The following LCP2 variants were observed in gnomAD, a reference collection of about 807,000 sequenced individuals.
LCP2 encodes lymphocyte cytosolic protein 2, also known as 76 kDa tyrosine phosphoprotein.
A neutral mutation model predicts 74.5 loss-of-function variants in LCP2; 29 were observed. The ratio of observed to expected loss-of-function variants is 0.39; its 90% CI spans 0.29 to 0.53. LCP2 has a LOEUF of 0.53. Ranked by LOEUF, LCP2 falls within the 20% of genes least tolerant of loss-of-function variation. The probability of loss-of-function intolerance (pLI) is 0.72; values close to 1 mark genes in which losing one functional copy is unlikely to be tolerated. For synonymous variants in LCP2, 228 were observed against 229.5 expected, an observed-to-expected ratio of 0.99 and a Z score of 0.06; for missense variants, 604 against 634.6, an observed-to-expected ratio of 0.95 and a Z score of 0.52.
At chr5:170,277,743 CAAAAAAAAAAA>C (rs371915364) in intron 3 of LCP2, among the ~76,000 whole-genome samples, 2 of 117,704 alleles carry the variant, frequency 1.7e-5, no homozygotes, top group Admixed American at 1.8e-4. Context: ...AACTTCGTCT[CAAAAAAAAAAA>C]AAAAAAAAAG....
chr5:170,281,204 G>A (rs961463714), intron 3 of LCP2, among the ~76,000 whole-genome samples: 6 of 152,130 alleles, frequency 3.9e-5, no homozygotes, highest in African/African-American at 7.2e-5. Flanking sequence ...GTCCCTGGAC[G>A]GCAATTAGCC....
rs1435797165 is a variant in LCP2, at chr5:170,248,628, AC to A, written c.*68del. On this transcript the variant is annotated 3_prime_UTR_variant, in exon 21 of 21. Transcript: ENST00000046794. The stretch of plus-strand genomic sequence containing the variant: ...TTCAGTCCTAAGTGTTTGTCCATTG[AC>A]CAAGGCTGATTGATCTCGTGTTGGC... The A allele has an allele frequency of 1.5e-5, 24 of 1,583,894 alleles. No homozygotes were observed. The highest frequency in any genetic ancestry group is 2.0e-5 in the Non-Finnish European group (23 of 1,157,668).
At chr5:170,251,833 G>T in intron 19 of LCP2, 12 of 328,646 alleles carry the variant, frequency 3.7e-5, no homozygotes, top group South Asian at 2.8e-4. Context: ...AGTTCTCCGG[G>T]TGATCTAAAT....
At chr5:170,270,992 C>G (rs1761889071) in intron 6 of LCP2, 75 bp from the exon 7 acceptor site, 1 of 1,286,980 alleles carries the variant, frequency 7.8e-7, no homozygotes, top group Non-Finnish European at 1.1e-6. Context: ...CCTACTCTCT[C>G]CCTGCCAAGC....
At chr5:170,259,068 A>G (rs969005550) in intron 14 of LCP2, among the ~76,000 whole-genome samples, 190 bp from the exon 15 acceptor site, 1 of 152,218 alleles carries the variant, frequency 6.6e-6, no homozygotes. Flanking sequence ...TTCTTAATAC[A>G]AACAGTCATC....
At chr5:170,275,939 G>A (rs1282096396) in intron 3 of LCP2, 79 bp from the exon 4 acceptor site, 3 of 1,305,168 alleles carry the variant, frequency 2.3e-6, no homozygotes, top group Non-Finnish European at 3.2e-6. Context: ...ATATCCCCTG[G>A]TCTATAGAAA....
At chr5:170,289,631 T>TCTCTCTC (rs1762245480) in intron 2 of LCP2, among the ~76,000 whole-genome samples, 2 of 101,046 alleles carry the variant, frequency 2.0e-5, no homozygotes, top group African/African-American at 9.2e-5. Flanking sequence ...CTTTCTTTCT[T>TCTCTCTC]TCTTTCTTTC....
intron 19 of LCP2, 122 bp from the exon 20 acceptor site, chr5:170,251,007 TG>T (rs1409946851): frequency 1.4e-6 from 1 of 692,754 alleles, no homozygotes; most frequent in Non-Finnish European, 2.4e-6. Flanking sequence ...TGCAGCTTCT[TG>T]AGTGCAAAAC....
At position 170,253,145 on chromosome 5, in the gene LCP2, G is replaced by T; in HGVS notation, c.1219C>A (p.Arg407=). 1 of 1,611,594 alleles carries T rather than the reference G, an allele frequency of 6.2e-7. No individual in the cohort carries two copies. The highest frequency in any genetic ancestry group is 1.1e-5 in the South Asian group (1 of 90,424). The change falls in exon 18 of 21, where the codon CGG becomes AGG. Residue 407 remains arginine, a synonymous_variant. Transcript: ENST00000046794. ...TCTTCCTCCGCGGGGGATGGGGGCC[G>T]AGGTTTGTTTGGAAGTGGCAAGGGG... ...NFPLPLPNKP[R]PPSPAEEENS... is the part of the protein sequence containing the mutation.
Position 170,275,752 on chromosome 5 carries a change from G to A in LCP2, c.254+43C>T, listed in dbSNP as rs531189506. ...GTGCCTCCCTTTTAAGGTTCAACTC[G>A]GGACTGAAAAATCTTGCGTTTCCTT... On this transcript the variant is annotated intron_variant, in intron 4 of 20. Coordinates refer to ENST00000046794, the MANE Select transcript of LCP2 (RefSeq NM_005565.5). 61 of 1,500,768 alleles carry A rather than the reference G, an allele frequency of 4.1e-5. 1 individual carries two copies. The highest frequency in any genetic ancestry group is 1.7e-4 in the Middle Eastern group (1 of 5,892). 93.0% of individuals were successfully genotyped at this position (1,500,768 alleles called of 1,614,324 possible).
intron 1 of LCP2, among the ~76,000 whole-genome samples, chr5:170,294,268 T>C (rs1008115759): frequency 6.6e-6 from 1 of 152,248 alleles, no homozygotes; most frequent in Non-Finnish European, 1.5e-5. Flanking sequence ...GAGACAATCA[T>C]GGATACTATT....
chr5:170,275,845 T>A lies in LCP2; in HGVS notation c.204A>T (p.Leu68Phe). The change falls in exon 4 of 21, where the codon TTA (leucine) becomes TTT (phenylalanine). Residue 68 changes from leucine to phenylalanine, a missense_variant. Leu to Phe is a conservative substitution (Grantham distance 22, BLOSUM62 0). Coordinates refer to ENST00000046794, the MANE Select transcript of LCP2 (RefSeq NM_005565.5). The stretch of plus-strand genomic sequence containing the variant: ...CTTCGTTCTTGTTGATTTCCTGACT[T>A]AACTTACTGAGAATCCTGCAAGATA... ...PKLRVPILSK[L>F]SQEINKNEER... is the part of the protein sequence containing the mutation. 2 of 1,574,540 alleles carry A rather than the reference T, an allele frequency of 1.3e-6. No individual in the cohort carries two copies. The highest frequency in any genetic ancestry group is 1.2e-5 in the South Asian group (1 of 85,818).
chr5:170,274,226 C>G (rs192625036), intron 6 of LCP2, 75 bp downstream of exon 6: 2 of 1,495,246 alleles, frequency 1.3e-6, no homozygotes, highest in East Asian at 2.4e-5. Flanking sequence ...TCACTTGGCT[C>G]CATCCTGGCT....
At chr5:170,291,226 A>AAGGAAGG (rs1561979324) in intron 2 of LCP2, among the ~76,000 whole-genome samples, 21 of 52,998 alleles carry the variant, frequency 4.0e-4, no homozygotes, top group African/African-American at 8.1e-4. Context: ...AGGAAGGAAG[A>AAGGAAGG]AAGGAAGGAA....
rs143894782 is a variant in LCP2, at chr5:170,285,046, C to T, written c.188+2924G>A. On this transcript the variant is annotated intron_variant, in intron 3 of 20. Coordinates refer to ENST00000046794, the MANE Select transcript of LCP2 (RefSeq NM_005565.5). ...GATTACAGGCGTGAGCCACTGTGCC[C>T]GGCCCCTTGATGCTCTTTTCAGTGT... Among the ~76,000 whole-genome samples the T allele has an allele frequency of 1.0e-3, 157 of 152,258 alleles. 4 individuals are homozygous for T. The East Asian group carries it at 0.024, about 24-fold the overall frequency.
Position 170,266,966 on chromosome 5 carries a change from G to A in LCP2, c.688+43C>T, listed in dbSNP as rs1395632503. The stretch of plus-strand genomic sequence containing the variant: ...GGGGGTTGGGCGGGGCTAGGGGAGT[G>A]CCTGGTGGGAACAGGGCAAGAGAGA... On this transcript the variant is annotated intron_variant, in intron 9 of 20. Coordinates refer to ENST00000046794, the MANE Select transcript of LCP2 (RefSeq NM_005565.5). The A allele has an allele frequency of 3.1e-6, 5 of 1,611,686 alleles. No individual in the cohort carries two copies. In the Admixed American group the frequency reaches 5.0e-5, roughly 16 times the overall value.
At chr5:170,280,905 G>A (rs1355020469) in intron 3 of LCP2, among the ~76,000 whole-genome samples, 3 of 152,152 alleles carry the variant, frequency 2.0e-5, no homozygotes, top group South Asian at 2.1e-4. Context: ...TCGGGAGGCC[G>A]AGGCAGGAGA....
rs891309620 is a variant in LCP2 at position 170,246,320 on chromosome 5, T to C, written c.*2377A>G. The stretch of plus-strand genomic sequence containing the variant: ...AGTGTATGACATAGGAAATTGGCCA[T>C]GGGTCACTGCTTATCCTTTAGCTTA... On this transcript the variant is annotated 3_prime_UTR_variant, in exon 21 of 21. Coordinates refer to ENST00000046794, the MANE Select transcript of LCP2 (RefSeq NM_005565.5). 4.7e-6 allele frequency: 2 copies of C among 424,450 alleles called. No individual in the cohort carries two copies. The highest frequency in any genetic ancestry group is 4.2e-6 in the Non-Finnish European group (1 of 239,720). 26.3% of individuals were successfully genotyped at this position (424,450 alleles called of 1,614,324 possible). A position where few individuals can be genotyped will look rare whatever the true frequency, so the allele number is the denominator to read the frequency against.
chr5:170,283,971 A>G (rs919833680), intron 3 of LCP2, among the ~76,000 whole-genome samples: 1 of 152,164 alleles, frequency 6.6e-6, no homozygotes, highest in African/African-American at 2.4e-5. Flanking sequence ...TTGTAATTGT[A>G]GTGTAATTGC....
Sources: allele counts gnomAD v4.1 joint callset (sites outside exome capture counted in the v4.1 genomes callset), GRCh38; gene constraint gnomAD v4.1.1; transcripts MANE v1.5; gene names NCBI Gene and HGNC (gene_info 2026-07-23, HGNC 2026-07-21).